ZEB1: variants seen among roughly 807,000 people sequenced by gnomAD.
The protein encoded by ZEB1 is zinc finger E-box-binding homeobox 1.
A neutral mutation model predicts 84.9 loss-of-function variants in ZEB1; 21 were observed. That is an observed-to-expected ratio of 0.25 (90% confidence interval 0.18 to 0.36). ZEB1 has a LOEUF of 0.36. Ranked by LOEUF, ZEB1 falls within the 10% of genes least tolerant of loss-of-function variation. ZEB1 has a pLI of 1.00. For synonymous variants in ZEB1, 420 were observed against 471.1 expected (o/e 0.89, Z 1.41); for missense variants, 1,104 against 1,330.2 (o/e 0.83, Z 2.65).
At chr10:31,440,987 T>C (rs2058885035) in intron 1 of ZEB1, among the ~76,000 whole-genome samples, 1 of 152,132 alleles carries the variant, frequency 6.6e-6, no homozygotes, top group Non-Finnish European at 1.5e-5. Flanking sequence ...CTGCCCAAGG[T>C]AATTTATAGA....
At chr10:31,513,091 G>A (rs1193426191) in intron 5 of ZEB1, among the ~76,000 whole-genome samples, 1 of 152,148 alleles carries the variant, frequency 6.6e-6, no homozygotes, top group African/African-American at 2.4e-5. Context: ...ATTTTTAGGG[G>A]AACACTGACT....
At chr10:31,414,688 C>T (rs558396009) in intron 1 of ZEB1, among the ~76,000 whole-genome samples, 2 of 152,260 alleles carry the variant, frequency 1.3e-5, no homozygotes, top group East Asian at 1.9e-4. Context: ...TAACTCATTA[C>T]AGAATGTCTG....
At chr10:31,360,969 G>A (rs1472007711) in intron 1 of ZEB1, 58 of 1,603,968 alleles carry the variant, frequency 3.6e-5, no homozygotes, top group Middle Eastern at 2.3e-4. Flanking sequence ...CGACCGCCAC[G>A]GAGCAGTGGG....
intron 1 of ZEB1, among the ~76,000 whole-genome samples, chr10:31,355,540 G>A (rs2041979627): frequency 6.6e-6 from 1 of 152,142 alleles, no homozygotes; most frequent in Non-Finnish European, 1.5e-5. Context: ...GAATATAACA[G>A]GCGGACTTAA....
intron 1 of ZEB1, among the ~76,000 whole-genome samples, chr10:31,443,342 T>C (rs1045687510): frequency 1.3e-5 from 2 of 152,170 alleles, no homozygotes; most frequent in African/African-American, 4.8e-5. Context: ...TGTATAGTTA[T>C]GGGTTTCATT....
chr10:31,520,217 C>G lies in ZEB1; in HGVS notation c.885C>G (p.Ser295Arg). ...ACATAAGCAGTAAGAAATGTATCAGCTTGATACCTGTGAATGGGCGACCAA... is the reference window on the plus strand; with the variant it reads ...ACATAAGCAGTAAGAAATGTATCAGGTTGATACCTGTGAATGGGCGACCAA... ...SSHISSKKCI[S>R]LIPVNGRPRT... Residue 295 changes from serine (S) to arginine (R), a missense_variant, in exon 7 of 9, where the codon AGC (serine) becomes AGG (arginine). By Grantham distance (110) the Ser-to-Arg change is moderately radical. Transcript: ENST00000424869. This position sits in a 1 kb window ranked among gnomAD's most constrained non-coding sequence, Gnocchi z 5.1. 6.2e-7 allele frequency: 1 copy of G among 1,613,982 alleles called. No homozygotes were observed. Among genetic ancestry groups the G allele is most frequent in the South Asian group, 1.1e-5 (1 of 91,084 alleles).
chr10:31,456,201 G>C (rs898650759), intron 1 of ZEB1, among the ~76,000 whole-genome samples: 105 of 152,246 alleles, frequency 6.9e-4, no homozygotes, highest in African/African-American at 2.4e-3. Flanking sequence ...GGTGGGAGTT[G>C]AACAATAAGA....
chr10:31,496,886 T>G (rs1276183360), intron 3 of ZEB1, among the ~76,000 whole-genome samples: 4 of 152,120 alleles, frequency 2.6e-5, no homozygotes, highest in Non-Finnish European at 5.9e-5. Context: ...ACAATAGCAC[T>G]CCTATACTCG....
intron 1 of ZEB1, among the ~76,000 whole-genome samples, chr10:31,441,815 T>G (rs994898813): frequency 8.5e-5 from 13 of 152,290 alleles, no homozygotes; most frequent in African/African-American, 1.7e-4. Flanking sequence ...AAATGCTCAT[T>G]ATCACTGGCC....
At chr10:31,453,734 A>G (rs889839953) in intron 1 of ZEB1, among the ~76,000 whole-genome samples, 3 of 152,196 alleles carry the variant, frequency 2.0e-5, no homozygotes, top group African/African-American at 7.2e-5. Context: ...GAATAGACCA[A>G]TAACAAGTTC....
In ZEB1 at chr10:31,426,737, TA is replaced by T. The variant is rs200751778; in HGVS notation, c.59-34297del. Among the ~76,000 whole-genome samples, 1,175 of 152,270 alleles carry T rather than the reference TA, an allele frequency of 7.7e-3. 13 individuals are homozygous for T. Among genetic ancestry groups the T allele is most frequent in the African/African-American group, 0.026 (1,077 of 41,538 alleles). ...AGTTTGAATTGATTTACCCTCTACC[TA>T]AACAAACACCTCTCATAGGTGAGCC... On this transcript the variant is annotated intron_variant, in intron 1 of 8. Coordinates refer to ENST00000424869, the MANE Select transcript of ZEB1 (RefSeq NM_001174096.2).
At chr10:31,346,826 A>T (rs1326130044) in intron 1 of ZEB1, among the ~76,000 whole-genome samples, 1 of 151,744 alleles carries the variant, frequency 6.6e-6, no homozygotes, top group African/African-American at 2.4e-5. Flanking sequence ...ATGCTCAATT[A>T]AGTCAGTTAT....
At chr10:31,331,077 C>CT (rs1238584690) in intron 1 of ZEB1, among the ~76,000 whole-genome samples, 78 of 89,038 alleles carry the variant, frequency 8.8e-4, no homozygotes, top group African/African-American at 3.1e-3. Context: ...TTTTTTCTTT[C>CT]TTTCTTTTTT....
chr10:31,422,357 A>G (rs2056313299), intron 1 of ZEB1, among the ~76,000 whole-genome samples: 1 of 152,162 alleles, frequency 6.6e-6, no homozygotes, highest in African/African-American at 2.4e-5. Flanking sequence ...TGGACCAAAG[A>G]AAATGTTCAG....
chr10:31,453,611 T>G (rs1286167263), intron 1 of ZEB1, among the ~76,000 whole-genome samples: 1 of 152,014 alleles, frequency 6.6e-6, no homozygotes, highest in African/African-American at 2.4e-5. Flanking sequence ...TATGTGAAAG[T>G]TCTTGTAAAG....
chr10:31,452,088 T>C (rs1233399204), intron 1 of ZEB1, among the ~76,000 whole-genome samples: 3 of 152,066 alleles, frequency 2.0e-5, no homozygotes, highest in Non-Finnish European at 4.4e-5. Flanking sequence ...TGTTTTAAAA[T>C]ATATTTTGAA....
At chr10:31,345,807 A>G (rs1271300730) in intron 1 of ZEB1, among the ~76,000 whole-genome samples, 2 of 152,198 alleles carry the variant, frequency 1.3e-5, no homozygotes, top group Admixed American at 6.5e-5. Context: ...TTTTCTGTGC[A>G]GATTGTCAGA....
At chr10:31,445,595 T>C (rs1237911476) in intron 1 of ZEB1, among the ~76,000 whole-genome samples, 1 of 152,208 alleles carries the variant, frequency 6.6e-6, no homozygotes, top group Non-Finnish European at 1.5e-5. Context: ...GTCCCATTAA[T>C]ACCTAATTTA....
chr10:31,523,964 T>C lies in ZEB1; in HGVS notation c.2636T>C (p.Val879Ala). 1 of 1,613,864 alleles carries C rather than the reference T, an allele frequency of 6.2e-7. No individual in the cohort carries two copies. Among genetic ancestry groups the C allele is most frequent in the Non-Finnish European group, 8.5e-7 (1 of 1,179,900 alleles). ...DERQDTSSEG[V>A]SNVEDQNDSD... ...AGACAAGATACTAGCTCAGAAGGAG[T>C]ATCAAATGTAGAGGATCAGAATGAC... The change falls in exon 8 of 9, where the codon GTA becomes GCA. Residue 879 changes from valine (V) to alanine (A), a missense_variant. Val to Ala is a moderately conservative substitution (Grantham distance 64, BLOSUM62 0). Transcript: ENST00000424869.
Sources: allele counts gnomAD v4.1 joint callset (sites outside exome capture counted in the v4.1 genomes callset), GRCh38; gene constraint gnomAD v4.1.1; non-coding constraint Gnocchi (gnomAD v3.1); transcripts MANE v1.5; gene names NCBI Gene and HGNC (gene_info 2026-07-23, HGNC 2026-07-21).